DOCK6: variants seen among roughly 807,000 people sequenced by gnomAD.
The protein encoded by DOCK6 is dedicator of cytokinesis 6, also known as dedicator of cytokinesis protein 6.
DOCK6 carries 167 observed loss-of-function variants against 230.3 expected under a neutral mutation model. The observed-to-expected ratio is 0.73, with a 90% confidence interval of 0.64 to 0.82. The LOEUF is 0.82. Ranked by LOEUF, DOCK6 falls within the 40% of genes least tolerant of loss-of-function variation. The pLI, the probability that DOCK6 is intolerant of heterozygous loss-of-function variation, is 0.00. For synonymous variants in DOCK6, 1,148 were observed against 1,185.0 expected (o/e 0.97, Z 0.64); for missense variants, 2,598 against 2,825.8 (o/e 0.92, Z 1.83).
chr19:11,222,962 C>T lies in DOCK6; in HGVS notation c.3069+31G>A. 2 of 1,613,642 alleles carry T rather than the reference C, an allele frequency of 1.2e-6. No individual in the cohort carries two copies. Among genetic ancestry groups the T allele is most frequent in the Non-Finnish European group, 1.7e-6 (2 of 1,179,758 alleles). The stretch of plus-strand genomic sequence containing the variant: ...AACATTGCTCCGCCTTCCATCCATG[C>T]CATGCCCACCCTGCCCACGCCCACT... On this transcript the variant is annotated intron_variant, in intron 25 of 47. Coordinates refer to ENST00000294618, the MANE Select transcript of DOCK6 (RefSeq NM_020812.4). The surrounding 1 kb of genome is among the most constrained non-coding windows in gnomAD (Gnocchi z 4.0).
chr19:11,207,874 G>A (rs2079287996), intron 39 of DOCK6, among the ~76,000 whole-genome samples: 2 of 152,078 alleles, frequency 1.3e-5, no homozygotes, highest in African/African-American at 4.8e-5. Context: ...AGGTTGTAGT[G>A]AGCCATGATC....
intron 14 of DOCK6, chr19:11,240,264 G>C: frequency 6.3e-7 from 1 of 1,584,112 alleles, no homozygotes; most frequent in African/African-American, 1.3e-5. Context: ...CGCCTGGCTG[G>C]GCCCTGCCTA....
chr19:11,245,678 T>C lies in DOCK6; in HGVS notation c.908A>G (p.Asp303Gly). 6.2e-7 allele frequency: 1 copy of C among 1,607,186 alleles called. No individual in the cohort carries two copies. Among genetic ancestry groups the C allele is most frequent in the South Asian group, 1.1e-5 (1 of 90,128 alleles). ...SENFYFDLNSDSMKGLLRAHG... is the reference protein window; with the variant it reads ...SENFYFDLNSGSMKGLLRAHG... ...AGCCCGAAGCAGCCCCTTCATGGAG[T>C]CCGAGTTCAGGTCGAAGTAGAAGTT... Residue 303 changes from aspartate (D) to glycine (G), a missense_variant, in exon 9 of 48, where the codon GAC becomes GGC. Asp to Gly is a moderately conservative substitution (Grantham distance 94). Transcript: ENST00000294618.
In DOCK6 at chr19:11,259,556, C is replaced by CT. The variant is rs756965986; in HGVS notation, c.44+2840dup. 2.1e-3 allele frequency among the ~76,000 whole-genome samples: 220 copies of CT among 103,672 alleles called. 3 individuals are homozygous for CT. Among genetic ancestry groups the CT allele is most frequent in the African/African-American group, 5.1e-3 (147 of 28,746 alleles). The allele number at this position is 103,672 out of a possible 152,430, so 68.0% of individuals were successfully genotyped here. A position where few individuals can be genotyped will look rare whatever the true frequency, so the allele number is the denominator to read the frequency against. On this transcript the variant is annotated intron_variant, in intron 1 of 47. Transcript: ENST00000294618. ...CCTCCAATGAATCATTATTTCTTTT[C>CT]TTTTTTTTTTTTTTTTTTTGAGATG... is the stretch of plus-strand genomic sequence containing the variant.
chr19:11,226,490 C>G (rs1000722380), intron 24 of DOCK6, among the ~76,000 whole-genome samples: 2 of 152,162 alleles, frequency 1.3e-5, no homozygotes, highest in Admixed American at 1.3e-4. Context: ...GAAACACTGT[C>G]TCTACTGAAA....
chr19:11,216,128 G>C (rs1035454259), intron 30 of DOCK6: 11 of 466,890 alleles, frequency 2.4e-5, no homozygotes, highest in Non-Finnish European at 3.7e-5. Context: ...CTCTCATTCT[G>C]TCGCCCAGGG....
rs577012464 is a variant in DOCK6 at position 11,252,739 on chromosome 19, A to G, written c.308+44T>C. 38 of 1,596,170 alleles carry G rather than the reference A, an allele frequency of 2.4e-5. No individual in the cohort carries two copies. In the African/African-American group the frequency reaches 3.6e-4, roughly 15 times the overall value. ...CGGGCTGTTGATGGGGTTGGCAGAG[A>G]CAGAGTGGAATCACAGGCAGAGAGG... On this transcript the variant is annotated intron_variant, in intron 3 of 47. Coordinates refer to ENST00000294618, the MANE Select transcript of DOCK6 (RefSeq NM_020812.4).
Position 11,252,822 on chromosome 19 carries a change from CG to C in DOCK6, c.268del (p.Arg90GlyfsTer20). The C allele has an allele frequency of 6.2e-7, 1 of 1,613,342 alleles. No individual in the cohort carries two copies. Reference sequence around the variant, plus strand: ...CCCGGGCTCCGTGGTCCGGCATTCCCGGGGCTGCAGCAGCAGCTCCAAGTCA... The same window carrying C: ...CCCGGGCTCCGTGGTCCGGCATTCCCGGGCTGCAGCAGCAGCTCCAAGTCA... ...ADDLELLLQP[R>X]ECRTTEPGIP... On this transcript the variant is annotated frameshift_variant, in exon 3 of 48. Coordinates refer to ENST00000294618, the MANE Select transcript of DOCK6 (RefSeq NM_020812.4). LOFTEE classifies it high-confidence loss of function.
intron 37 of DOCK6, among the ~76,000 whole-genome samples, chr19:11,210,495 C>CTGTCACCTGTGT (rs2079361154): frequency 7.0e-6 from 1 of 141,998 alleles, no homozygotes; most frequent in African/African-American, 2.6e-5. Flanking sequence ...CCTGTCTATC[C>CTGTCACCTGTGT]CCTCACCTGT....
intron 22 of DOCK6, chr19:11,229,317 A>C: frequency 8.4e-7 from 1 of 1,184,144 alleles, no homozygotes; most frequent in Non-Finnish European, 1.1e-6. Context: ...AGTGGGTCTC[A>C]GCTGGGTGGC....
At position 11,233,212 on chromosome 19, in the gene DOCK6, C is replaced by T. The variant is rs745792483; in HGVS notation, c.2709G>A (p.Leu903=). The T allele has an allele frequency of 6.2e-7, 1 of 1,613,382 alleles. No individual in the cohort carries two copies. The highest frequency in any genetic ancestry group is 8.5e-7 in the Non-Finnish European group (1 of 1,179,756). The change falls in exon 22 of 48, where the codon CTG becomes CTA. Residue 903 remains leucine, a synonymous_variant. Transcript: ENST00000294618. ...GCCCCCGTTGCCCTACCTTGCTGGC[C>T]AGGATGCGGGAAACCTCGTCATCCA... ...GSVDDEVSRI[L]ASKLLHEELA...
At position 11,202,591 on chromosome 19, in the gene DOCK6, C is replaced by A; in HGVS notation, c.5354G>T (p.Arg1785Leu). The change falls in exon 42 of 48, where the codon CGG becomes CTG. Residue 1785 changes from arginine (R) to leucine (L), a missense_variant. Transcript: ENST00000294618. This position sits in a 1 kb window ranked among gnomAD's most constrained non-coding sequence, Gnocchi z 5.3. ...CCAACCACAAGGACGTGCCTCCAGC[C>A]GGTGTGAGATCTCTGCCAGCTTCGT... ...SITKLAEISH[R>L]LEEFYTERFG... 6.2e-7 allele frequency: 1 copy of A among 1,614,002 alleles called. No individual in the cohort carries two copies. The highest frequency in any genetic ancestry group is 2.2e-5 in the East Asian group (1 of 44,878).
In DOCK6 at chr19:11,238,282, G is replaced by A. The variant is rs2079884077; in HGVS notation, c.1666C>T (p.His556Tyr). 6.2e-7 allele frequency: 1 copy of A among 1,611,310 alleles called. No homozygotes were observed. Among genetic ancestry groups the A allele is most frequent in the Non-Finnish European group, 8.5e-7 (1 of 1,178,932 alleles). ...TGGCGGCTGCTGAAGTTGAGGCTGT[G>A]CGGGTACACGTACAGCAGGTTCCTG... ...SYRNLLYVYP[H>Y]SLNFSSRQGS... The change falls in exon 15 of 48, where the codon CAC becomes TAC. Residue 556 changes from histidine (H) to tyrosine (Y), a missense_variant. By Grantham distance (83) the His-to-Tyr change is moderately conservative. Coordinates refer to ENST00000294618, the MANE Select transcript of DOCK6 (RefSeq NM_020812.4).
rs2080113415 is a variant in DOCK6 at position 11,251,221 on chromosome 19, T to C, written c.508-135A>G. Reference sequence around the variant, plus strand: ...GGGGTGAGGGTCATCACTCTAAGGGTCACCTGGGGGTTTTGCCTACCCTCT... The same window carrying C: ...GGGGTGAGGGTCATCACTCTAAGGGCCACCTGGGGGTTTTGCCTACCCTCT... On this transcript the variant is annotated intron_variant, in intron 5 of 47. Transcript: ENST00000294618. 1.7e-5 allele frequency: 15 copies of C among 865,644 alleles called. No homozygotes were observed. In the South Asian group the frequency reaches 2.8e-4, roughly 16 times the overall value. 53.6% of individuals were successfully genotyped at this position (865,644 alleles called of 1,614,324 possible).
At chr19:11,259,703 G>A (rs1334455524) in intron 1 of DOCK6, among the ~76,000 whole-genome samples, 2 of 149,258 alleles carry the variant, frequency 1.3e-5, no homozygotes, top group Admixed American at 1.3e-4. Context: ...GATTACAGGC[G>A]TGCGTCACCA....
chr19:11,222,879 A>T lies in DOCK6; in HGVS notation c.3096T>A (p.Pro1032=), dbSNP rs2079602906. The T allele has an allele frequency of 2.5e-6, 4 of 1,607,858 alleles. No individual in the cohort carries two copies. The East Asian group carries it at 9.0e-5, about 36-fold the overall frequency. The change falls in exon 26 of 48, where the codon CCT becomes CCA. Residue 1032 remains proline (P), a synonymous_variant. Transcript: ENST00000294618. This position sits in a 1 kb window ranked among gnomAD's most constrained non-coding sequence, Gnocchi z 4.0. The part of the protein sequence containing the change: ...KQVATRLQSS[P]NPAALLTLRM... ...GCAGGGTCAGCAGGGCTGCTGGATT[A>T]GGGGACGACTGGAGCCGCGTGGCCA...
chr19:11,214,405 A>AC lies in DOCK6; in HGVS notation c.4207dup (p.Val1403GlyfsTer120). On this transcript the variant is annotated frameshift_variant, in exon 34 of 48. Coordinates refer to ENST00000294618, the MANE Select transcript of DOCK6 (RefSeq NM_020812.4). LOFTEE classifies it high-confidence loss of function. ...GCTCTCCCGGGCTTCTGAAAGCATC[A>AC]CCGTCTGGAGGGAAGGGGGTCAGAA... 3 of 1,613,624 alleles carry AC rather than the reference A, an allele frequency of 1.9e-6. No homozygotes were observed. The highest frequency in any genetic ancestry group is 1.7e-6 in the Non-Finnish European group (2 of 1,179,848).
At chr19:11,217,422 T>G (rs2079510340) in intron 28 of DOCK6, 31 bp from the exon 29 acceptor site, 4 of 1,602,448 alleles carry the variant, frequency 2.5e-6, no homozygotes, top group Admixed American at 1.7e-5. Context: ...GAAAGAAAGA[T>G]AAACCCTTGG....
At position 11,229,002 on chromosome 19, in the gene DOCK6, C is replaced by A; in HGVS notation, c.2752G>T (p.Val918Phe). 1.2e-6 allele frequency: 2 copies of A among 1,613,682 alleles called. No individual in the cohort carries two copies. The highest frequency in any genetic ancestry group is 1.7e-6 in the Non-Finnish European group (2 of 1,179,816). The change falls in exon 23 of 48, where the codon GTC (valine) becomes TTC (phenylalanine). Residue 918 changes from valine to phenylalanine, a missense_variant. Coordinates refer to ENST00000294618, the MANE Select transcript of DOCK6 (RefSeq NM_020812.4). ...GCCTCGCGTACGGCACTGCTGCTGA[C>A]CACCCACTGCAGAGCCAGCTCCTCG... ...LHEELALQWVVSSSAVREAIL... is the reference protein window; with the variant it reads ...LHEELALQWVFSSSAVREAIL...
Sources: gnomAD v4.1 joint callset for allele counts (sites outside exome capture counted in the v4.1 genomes callset) on GRCh38, gnomAD v4.1.1 for gene constraint, Gnocchi (gnomAD v3.1) non-coding constraint, MANE v1.5 for transcripts, NCBI Gene and HGNC (gene_info 2026-07-23, HGNC 2026-07-21) for gene names.